Variants in CNTN1 observed in about 807,000 individuals in gnomAD.
CNTN1 encodes contactin 1.
Under a neutral mutation model 126.4 loss-of-function variants are expected in CNTN1, and 38 were observed. That is an observed-to-expected ratio of 0.30 (90% confidence interval 0.23 to 0.39). CNTN1 has a LOEUF of 0.39. Ranked by LOEUF, CNTN1 falls within the 10% of genes least tolerant of loss-of-function variation. The pLI is 1.00. For missense variants in CNTN1, 1,009 were observed against 1,248.4 expected (o/e 0.81, Z 2.89); for synonymous variants, 413 against 422.6 (o/e 0.98, Z 0.28).
At chr12:40,957,890 G>A (rs1220183714) in intron 14 of CNTN1, among the ~76,000 whole-genome samples, 2 of 151,956 alleles carry the variant, frequency 1.3e-5, no homozygotes, top group Non-Finnish European at 2.9e-5. Flanking sequence ...TCCAGCAAGG[G>A]TTGCAAACCC....
chr12:40,835,772 G>T (rs1942024766), intron 1 of CNTN1, among the ~76,000 whole-genome samples: 3 of 150,380 alleles, frequency 2.0e-5, no homozygotes, highest in Non-Finnish European at 4.4e-5. Flanking sequence ...TAGTAGCAGT[G>T]TCTTCCGAAA....
intron 1 of CNTN1, among the ~76,000 whole-genome samples, chr12:40,765,127 ATTG>A (rs1352595042): frequency 1.3e-5 from 2 of 151,886 alleles, no homozygotes; most frequent in East Asian, 3.9e-4. Flanking sequence ...AATTGAGGAT[ATTG>A]TTGACAAGAT....
At chr12:40,819,562 T>C (rs1030119088) in intron 1 of CNTN1, among the ~76,000 whole-genome samples, 1 of 152,154 alleles carries the variant, frequency 6.6e-6, no homozygotes, top group East Asian at 1.9e-4. Flanking sequence ...CCTGGAGCTA[T>C]GGAAATAGGT....
intron 1 of CNTN1, among the ~76,000 whole-genome samples, chr12:40,700,830 A>G (rs1781970395): frequency 6.6e-6 from 1 of 152,206 alleles, no homozygotes; most frequent in South Asian, 2.1e-4. Context: ...ATTACTAACA[A>G]TCACTTATTG....
At chr12:40,860,490 C>T (rs1179748311) in intron 1 of CNTN1, among the ~76,000 whole-genome samples, 1 of 152,108 alleles carries the variant, frequency 6.6e-6, no homozygotes, top group Non-Finnish European at 1.5e-5. Context: ...AGTTGCAAGC[C>T]TCAAGCTTCC....
intron 1 of CNTN1, among the ~76,000 whole-genome samples, chr12:40,821,346 T>A (rs1447612767): frequency 6.6e-6 from 1 of 152,222 alleles, no homozygotes; most frequent in Non-Finnish European, 1.5e-5. Flanking sequence ...GAGTTGAATA[T>A]GCCTTCCTCC....
At chr12:40,952,530 G>A (rs572271531) in intron 14 of CNTN1, among the ~76,000 whole-genome samples, 25 of 152,098 alleles carry the variant, frequency 1.6e-4, no homozygotes, top group Middle Eastern at 3.4e-3. Context: ...AGTAATAGGA[G>A]CAGTTTTAGT....
intron 16 of CNTN1, among the ~76,000 whole-genome samples, chr12:40,981,665 T>C (rs1947826059): frequency 6.6e-6 from 1 of 152,140 alleles, no homozygotes; most frequent in African/African-American, 2.4e-5. Flanking sequence ...GTGGGTACTT[T>C]CCTTTGTCTA....
At chr12:40,801,310 C>T (rs749323894) in intron 1 of CNTN1, among the ~76,000 whole-genome samples, 7 of 151,856 alleles carry the variant, frequency 4.6e-5, no homozygotes, top group Non-Finnish European at 1.0e-4. Flanking sequence ...ATCTATGTGC[C>T]TATCACAGTG....
intron 14 of CNTN1, among the ~76,000 whole-genome samples, chr12:40,956,441 T>C (rs2136997438): frequency 6.6e-6 from 1 of 152,198 alleles, no homozygotes; most frequent in East Asian, 1.9e-4. Context: ...AAAGGGTACC[T>C]GCCTAGTCCA....
intron 1 of CNTN1, among the ~76,000 whole-genome samples, chr12:40,897,484 G>T (rs1944451111): frequency 6.6e-6 from 1 of 152,220 alleles, no homozygotes; most frequent in Admixed American, 6.5e-5. Flanking sequence ...TTGATACAAG[G>T]AAATAGTTGC....
chr12:40,738,418 T>G (rs1401204549), intron 1 of CNTN1, among the ~76,000 whole-genome samples: 1 of 152,024 alleles, frequency 6.6e-6, no homozygotes, highest in Non-Finnish European at 1.5e-5. Context: ...GAAAAACAAT[T>G]TATGAAAATA....
intron 1 of CNTN1, among the ~76,000 whole-genome samples, chr12:40,902,823 A>G (rs1218688626): frequency 6.6e-6 from 1 of 152,174 alleles, no homozygotes; most frequent in Non-Finnish European, 1.5e-5. Context: ...CAGCACCAGA[A>G]TAAAACATGA....
At chr12:40,868,689 T>G (rs943337280) in intron 1 of CNTN1, among the ~76,000 whole-genome samples, 3 of 152,074 alleles carry the variant, frequency 2.0e-5, no homozygotes, top group African/African-American at 7.2e-5. Context: ...TTGCCATTGA[T>G]CCTGTGGCTG....
chr12:40,808,417 C>T (rs989017135), intron 1 of CNTN1, among the ~76,000 whole-genome samples: 10 of 151,898 alleles, frequency 6.6e-5, no homozygotes, highest in African/African-American at 2.4e-4. Flanking sequence ...ATGATGTCAT[C>T]GAACATCATA....
At chr12:40,937,535 T>C (rs1356535005) in intron 10 of CNTN1, 35 bp from the exon 11 acceptor site, 1 of 1,317,614 alleles carries the variant, frequency 7.6e-7, no homozygotes, top group Middle Eastern at 1.8e-4. Flanking sequence ...CTATTAAAGT[T>C]CATTGAGAAT....
At chr12:41,031,133 G>A (rs1159496430) in intron 23 of CNTN1, among the ~76,000 whole-genome samples, 5 of 152,154 alleles carry the variant, frequency 3.3e-5, no homozygotes, top group East Asian at 1.9e-4. Flanking sequence ...TTAGACTAGA[G>A]GTTTTCAGCA....
In CNTN1 at chr12:40,812,208, G is replaced by A. The variant is rs184772893; in HGVS notation, c.-76-96149G>A. 5.0e-3 allele frequency among the ~76,000 whole-genome samples: 763 copies of A among 151,886 alleles called. 3 individuals are homozygous for A. The highest frequency in any genetic ancestry group is 8.2e-3 in the Non-Finnish European group (553 of 67,848). The stretch of plus-strand genomic sequence containing the variant: ...TGTTTGTGAATTTTCCAGTCTTTCT[G>A]TTATTATTGACTTCTAGATTTGATT... On this transcript the variant is annotated intron_variant, in intron 1 of 23. Coordinates refer to ENST00000551295, the MANE Select transcript of CNTN1 (RefSeq NM_001843.4).
Position 40,806,100 on chromosome 12 carries a change from A to G in CNTN1, c.-76-102257A>G, listed in dbSNP as rs190898142. The stretch of plus-strand genomic sequence containing the variant: ...ATGCTGTTGCTTGATACTCAGTGCT[A>G]GGTTATATCGGAGTGCAAGGATAAC... On this transcript the variant is annotated intron_variant, in intron 1 of 23. Coordinates refer to ENST00000551295, the MANE Select transcript of CNTN1 (RefSeq NM_001843.4). 1.0e-3 allele frequency among the ~76,000 whole-genome samples: 154 copies of G among 152,154 alleles called. 1 individual carries two copies. The highest frequency in any genetic ancestry group is 8.3e-3 in the South Asian group (40 of 4,832).
Sources: allele counts gnomAD v4.1 joint callset (sites outside exome capture counted in the v4.1 genomes callset), GRCh38; gene constraint gnomAD v4.1.1; transcripts MANE v1.5; gene names NCBI Gene and HGNC (gene_info 2026-07-23, HGNC 2026-07-21).